The following HECW2 variants were observed in gnomAD, a reference collection of about 807,000 sequenced individuals.
HECW2 encodes the protein HECT, C2 and WW domain containing E3 ubiquitin protein ligase 2, also known as E3 ubiquitin-protein ligase HECW2.
In HECW2, 61 loss-of-function variants were observed where a neutral mutation model predicts 175.2. The observed-to-expected ratio is 0.35, with a 90% CI of 0.28 to 0.43. HECW2 has a LOEUF of 0.43. Ranked by LOEUF, HECW2 falls within the 20% of genes least tolerant of loss-of-function variation. HECW2 has a pLI of 1.00. For synonymous variants in HECW2, 671 were observed against 731.0 expected (o/e 0.92, Z 1.32); for missense variants, 1,524 against 2,000.5 (o/e 0.76, Z 4.54).
intron 28 of HECW2, 72 bp from the exon 29 acceptor site, chr2:196,201,460 G>C: frequency 9.7e-7 from 1 of 1,026,948 alleles, no homozygotes; most frequent in African/African-American, 1.6e-5. Flanking sequence ...GTGTGTGTGT[G>C]TGTGTGTGTC....
intron 21 of HECW2, among the ~76,000 whole-genome samples, chr2:196,237,869 G>A (rs1476072327): frequency 6.6e-6 from 1 of 152,156 alleles, no homozygotes; most frequent in Non-Finnish European, 1.5e-5. Context: ...GACACCAAAA[G>A]ATGCTTCGGG....
At chr2:196,248,842 C>T (rs773888348) in intron 19 of HECW2, among the ~76,000 whole-genome samples, 1 of 152,108 alleles carries the variant, frequency 6.6e-6, no homozygotes, top group Non-Finnish European at 1.5e-5. Flanking sequence ...CCCCTCAAGA[C>T]AATCTTTAGT....
intron 26 of HECW2, 70 bp from the exon 27 acceptor site, chr2:196,217,163 C>T (rs901638877): frequency 4.8e-5 from 50 of 1,036,524 alleles, no homozygotes; most frequent in South Asian, 4.5e-4. Flanking sequence ...ATACGTGACA[C>T]GAAGAGTCCC....
intron 1 of HECW2, among the ~76,000 whole-genome samples, chr2:196,530,612 T>C (rs1688807590): frequency 6.6e-6 from 1 of 152,214 alleles, no homozygotes; most frequent in Non-Finnish European, 1.5e-5. Flanking sequence ...CTCCTTAACA[T>C]GGTTTAGTGA....
intron 2 of HECW2, among the ~76,000 whole-genome samples, chr2:196,375,636 T>C (rs987946634): frequency 6.6e-6 from 1 of 152,182 alleles, no homozygotes; most frequent in Non-Finnish European, 1.5e-5. Flanking sequence ...TCAAAATTGA[T>C]TATTAGTGGG....
At chr2:196,353,889 G>A (rs1693263067) in intron 2 of HECW2, among the ~76,000 whole-genome samples, 1 of 152,114 alleles carries the variant, frequency 6.6e-6, no homozygotes, top group Non-Finnish European at 1.5e-5. Context: ...CCTGACTTAG[G>A]GTTAGAGACT....
intron 1 of HECW2, among the ~76,000 whole-genome samples, chr2:196,482,374 C>G (rs2125373724): frequency 6.6e-6 from 1 of 152,346 alleles, no homozygotes; most frequent in East Asian, 1.9e-4. Context: ...TCATGGTGGA[C>G]AGGCAACTCC....
At chr2:196,375,828 A>G (rs1030842936) in intron 2 of HECW2, among the ~76,000 whole-genome samples, 77 of 152,384 alleles carry the variant, frequency 5.1e-4, no homozygotes, top group Non-Finnish European at 2.9e-5. Flanking sequence ...AGTTATGCAG[A>G]TATTATGAAT....
At chr2:196,386,582 C>T (rs556876967) in intron 2 of HECW2, among the ~76,000 whole-genome samples, 1 of 152,298 alleles carries the variant, frequency 6.6e-6, no homozygotes, top group Non-Finnish European at 1.5e-5. Flanking sequence ...CTGGGCACTG[C>T]AAATTAGGAA....
At chr2:196,298,873 A>T (rs1690919765) in intron 13 of HECW2, among the ~76,000 whole-genome samples, 1 of 152,264 alleles carries the variant, frequency 6.6e-6, no homozygotes, top group Non-Finnish European at 1.5e-5. Context: ...GGTATAGATC[A>T]TAAACAATTC....
At chr2:196,268,433 TAGG>T (rs1389251014) in intron 17 of HECW2, among the ~76,000 whole-genome samples, 1 of 152,156 alleles carries the variant, frequency 6.6e-6, no homozygotes, top group Non-Finnish European at 1.5e-5. Context: ...TCAACATCTT[TAGG>T]AGATTAGAGA....
intron 2 of HECW2, among the ~76,000 whole-genome samples, chr2:196,427,138 A>G (rs932913969): frequency 6.7e-5 from 2 of 29,876 alleles, no homozygotes; most frequent in Non-Finnish European, 4.2e-4. Flanking sequence ...AAGAAACTTC[A>G]GATGATTTTT....
At chr2:196,293,040 G>A (rs527656555) in intron 13 of HECW2, among the ~76,000 whole-genome samples, 16 of 152,124 alleles carry the variant, frequency 1.1e-4, no homozygotes, top group Non-Finnish European at 8.8e-5. Context: ...AGAAGAGCAC[G>A]TTTGTTAAAT....
intron 3 of HECW2, among the ~76,000 whole-genome samples, chr2:196,336,551 A>G (rs1015628828): frequency 6.6e-6 from 1 of 152,124 alleles, no homozygotes; most frequent in Non-Finnish European, 1.5e-5. Context: ...GCATTTTTAT[A>G]AGATATCTTC....
intron 2 of HECW2, among the ~76,000 whole-genome samples, chr2:196,380,431 A>G (rs1307387356): frequency 1.3e-5 from 2 of 152,218 alleles, no homozygotes; most frequent in East Asian, 1.9e-4. Context: ...AAAGCCTGCT[A>G]TGCACATCTC....
intron 1 of HECW2, among the ~76,000 whole-genome samples, chr2:196,462,308 T>C (rs1244565085): frequency 6.6e-6 from 1 of 152,170 alleles, no homozygotes; most frequent in African/African-American, 2.4e-5. Flanking sequence ...AAAAATGATA[T>C]GTGCAATAAA....
intron 1 of HECW2, among the ~76,000 whole-genome samples, chr2:196,567,434 T>A (rs545397120): frequency 6.6e-6 from 1 of 152,166 alleles, no homozygotes; most frequent in East Asian, 1.9e-4. Context: ...ATATGAAGCG[T>A]TGGTTTGGCA....
At chr2:196,397,834 C>A (rs1694712291) in intron 2 of HECW2, among the ~76,000 whole-genome samples, 1 of 152,194 alleles carries the variant, frequency 6.6e-6, no homozygotes, top group African/African-American at 2.4e-5. Context: ...CCAATGTAGT[C>A]TTTTAAGACT....
intron 2 of HECW2, among the ~76,000 whole-genome samples, chr2:196,428,644 T>C (rs1373294004): frequency 6.6e-6 from 1 of 152,206 alleles, no homozygotes; most frequent in African/African-American, 2.4e-5. Context: ...CCACATGGCT[T>C]GGAGTTACTG....
Sources: allele counts gnomAD v4.1 joint callset (sites outside exome capture counted in the v4.1 genomes callset), GRCh38; gene constraint gnomAD v4.1.1; transcripts MANE v1.5; gene names NCBI Gene and HGNC (gene_info 2026-07-23, HGNC 2026-07-21).